The following LETM1 variants were observed in gnomAD, a reference collection of about 807,000 sequenced individuals.
LETM1 encodes the protein leucine zipper and EF-hand containing transmembrane protein 1.
A neutral mutation model predicts 74.5 loss-of-function variants in LETM1; 50 were observed. That is an observed-to-expected ratio of 0.67 (90% CI 0.53 to 0.85). The LOEUF is 0.85. LETM1 is among the 40% of genes least tolerant of loss of function. The pLI is 0.00. For synonymous variants in LETM1, 446 were observed against 407.1 expected (o/e 1.10, Z -1.15); for missense variants, 824 against 967.8 (o/e 0.85, Z 1.97).
Position 1,856,080 on chromosome 4 carries a change from G to C in LETM1, c.-130C>G. On this transcript the variant is annotated 5_prime_UTR_variant, in exon 1 of 14. Transcript: ENST00000302787. ...ACGGCTGACAGAGGCGGCTGGCCTCGGACGGGAGGCGCTCTCCTCAAGGAC... is the reference window on the plus strand; with the variant it reads ...ACGGCTGACAGAGGCGGCTGGCCTCCGACGGGAGGCGCTCTCCTCAAGGAC... 2 of 467,692 alleles carry C rather than the reference G, an allele frequency of 4.3e-6. No individual in the cohort carries two copies. The highest frequency in any genetic ancestry group is 8.5e-5 in the East Asian group (2 of 23,446). 29.0% of individuals were successfully genotyped at this position (467,692 alleles called of 1,614,324 possible).
chr4:1,849,413 C>T (rs1448292323), intron 1 of LETM1, among the ~76,000 whole-genome samples: 4 of 152,116 alleles, frequency 2.6e-5, no homozygotes, highest in Non-Finnish European at 4.4e-5. Flanking sequence ...TACAGGTGCC[C>T]ACCACCATGC....
intron 9 of LETM1, 106 bp from the exon 10 acceptor site, chr4:1,822,418 C>G: frequency 8.1e-7 from 1 of 1,241,060 alleles, no homozygotes; most frequent in South Asian, 2.6e-5. Flanking sequence ...GGGAGCAGGC[C>G]TGCAGGTGAC....
At chr4:1,837,700 T>G (rs1413974573) in intron 3 of LETM1, among the ~76,000 whole-genome samples, 2 of 120,940 alleles carry the variant, frequency 1.7e-5, no homozygotes, top group East Asian at 2.1e-4. Flanking sequence ...AATTTACAAG[T>G]TTTTTTTTTT....
At chr4:1,819,541 A>T (rs1711698706) in intron 10 of LETM1, 69 bp from the exon 11 acceptor site, 2 of 1,533,326 alleles carry the variant, frequency 1.3e-6, no homozygotes, top group African/African-American at 2.8e-5. Flanking sequence ...CCAAGTGACC[A>T]GCTGCTCTGT....
intron 6 of LETM1, among the ~76,000 whole-genome samples, chr4:1,830,401 A>G (rs773928132): frequency 1.2e-4 from 19 of 152,114 alleles, no homozygotes; most frequent in African/African-American, 3.1e-4. Flanking sequence ...CACAATCACA[A>G]CTCACTGCAA....
intron 2 of LETM1, among the ~76,000 whole-genome samples, chr4:1,845,859 ATAT>A (rs1207135660): frequency 6.9e-6 from 1 of 145,654 alleles, no homozygotes; most frequent in Non-Finnish European, 1.5e-5. Context: ...CATAATTATT[ATAT>A]TATTATTTTT....
intron 2 of LETM1, among the ~76,000 whole-genome samples, chr4:1,844,181 T>G (rs1302629644): frequency 6.6e-6 from 1 of 152,206 alleles, no homozygotes; most frequent in Admixed American, 6.5e-5. Flanking sequence ...TGGGCACACC[T>G]GCAGGGGCCT....
chr4:1,837,532 T>C lies in LETM1; in HGVS notation c.595-960A>G, dbSNP rs529933135. Among the ~76,000 whole-genome samples the C allele has an allele frequency of 9.2e-5, 14 of 152,266 alleles. No individual in the cohort carries two copies. In the South Asian group the frequency reaches 2.7e-3, roughly 29 times the overall value. ...AACGGTGCCATATTTGGGCAGGACATATCCTTAAAGCTGGCACATGTGTTT... is the reference window on the plus strand; with the variant it reads ...AACGGTGCCATATTTGGGCAGGACACATCCTTAAAGCTGGCACATGTGTTT... On this transcript the variant is annotated intron_variant, in intron 3 of 13. Coordinates refer to ENST00000302787, the MANE Select transcript of LETM1 (RefSeq NM_012318.3).
rs2108860538 is a variant in LETM1, at chr4:1,855,918, G to A, written c.33C>T (p.Gly11=). MASILLRSCR[G]RAPARLPPPP... ...GCGGCGGGAGGCGGGCGGGCGCCCG[G>A]CCGCGGCAGCTCCTCAGTAAGATGG... The change falls in exon 1 of 14, where the codon GGC becomes GGT. Residue 11 remains glycine, a synonymous_variant. Coordinates refer to ENST00000302787, the MANE Select transcript of LETM1 (RefSeq NM_012318.3). 1.6e-6 allele frequency: 2 copies of A among 1,237,406 alleles called. No individual in the cohort carries two copies. Among genetic ancestry groups the A allele is most frequent in the South Asian group, 6.8e-5 (2 of 29,238 alleles). The allele number at this position is 1,237,406 out of a possible 1,614,324, so 76.7% of individuals were successfully genotyped here. A position where few individuals can be genotyped will look rare whatever the true frequency, so the allele number is the denominator to read the frequency against.
intron 2 of LETM1, among the ~76,000 whole-genome samples, chr4:1,842,814 A>G (rs1288856069): frequency 1.3e-5 from 2 of 152,286 alleles, no homozygotes; most frequent in East Asian, 3.9e-4. Flanking sequence ...CCCAGAACCT[A>G]TGGTTTGTGT....
At chr4:1,840,396 G>A (rs1376644032) in intron 3 of LETM1, among the ~76,000 whole-genome samples, 4 of 150,060 alleles carry the variant, frequency 2.7e-5, no homozygotes, top group African/African-American at 7.4e-5. Flanking sequence ...GGTTGGGCGC[G>A]GTGGTTCACG....
intron 2 of LETM1, chr4:1,842,860 G>A: frequency 5.2e-6 from 1 of 194,124 alleles, no homozygotes; most frequent in South Asian, 7.0e-5. Flanking sequence ...GCAGCGTGGT[G>A]CCACACCACC....
chr4:1,823,122 C>T lies in LETM1; in HGVS notation c.1342G>A (p.Ala448Thr). 1 of 1,592,488 alleles carries T rather than the reference C, an allele frequency of 6.3e-7. No homozygotes were observed. Among genetic ancestry groups the T allele is most frequent in the Non-Finnish European group, 8.6e-7 (1 of 1,167,916 alleles). ...QTLPEIVAKE[A>T]QVKVAEVEGE... The stretch of plus-strand genomic sequence containing the variant: ...TCCACCTCGGCCACTTTCACCTGTG[C>T]TTCCTTTGCCTTCAGAAGAGGGTAC... The change falls in exon 9 of 14, where the codon GCA becomes ACA. Residue 448 changes from alanine to threonine, a missense_variant. Around this residue, in one of 4 missense-constraint regions of LETM1, gnomAD observed 172 missense variants for 170.7 expected, o/e 1.01. Coordinates refer to ENST00000302787, the MANE Select transcript of LETM1 (RefSeq NM_012318.3).
intron 1 of LETM1, among the ~76,000 whole-genome samples, chr4:1,854,457 AT>A: frequency 7.2e-6 from 1 of 138,692 alleles, no homozygotes; most frequent in East Asian, 2.2e-4. Flanking sequence ...TCCAGCCTGG[AT>A]GACAGAGCGA....
At chr4:1,842,038 C>T (rs1025430104) in intron 2 of LETM1, among the ~76,000 whole-genome samples, 16 of 152,250 alleles carry the variant, frequency 1.1e-4, no homozygotes, top group Admixed American at 5.2e-4. Context: ...CATGGGCGGG[C>T]GATCCCCACA....
intron 6 of LETM1, among the ~76,000 whole-genome samples, chr4:1,828,643 GC>G (rs1274923581): frequency 8.5e-6 from 1 of 117,552 alleles, no homozygotes; most frequent in African/African-American, 3.8e-5. Context: ...GGGCAGAGGC[GC>G]CCCCCACCTC....
At chr4:1,826,180 C>T (rs775379983) in intron 6 of LETM1, among the ~76,000 whole-genome samples, 1 of 152,204 alleles carries the variant, frequency 6.6e-6, no homozygotes, top group Non-Finnish European at 1.5e-5. Context: ...CCAAGGCATA[C>T]AGGGAGCAAC....
intron 7 of LETM1, among the ~76,000 whole-genome samples, chr4:1,824,841 C>T (rs915129497): frequency 6.6e-6 from 1 of 152,224 alleles, no homozygotes; most frequent in African/African-American, 2.4e-5. Flanking sequence ...CTGGGGAATC[C>T]GATGGAAGAC....
Position 1,819,321 on chromosome 4 carries a change from G to C in LETM1, c.1743+17C>G. 1 of 1,601,772 alleles carries C rather than the reference G, an allele frequency of 6.2e-7. No individual in the cohort carries two copies. The highest frequency in any genetic ancestry group is 8.5e-7 in the Non-Finnish European group (1 of 1,174,962). ...TCTTCTTGCAGTCTCAGAGTCCAGG[G>C]AGCAAATCCCACCCACCTCGCTGTA... is the stretch of plus-strand genomic sequence containing the variant. On this transcript the variant is annotated intron_variant, in intron 11 of 13. Coordinates refer to ENST00000302787, the MANE Select transcript of LETM1 (RefSeq NM_012318.3).
Sources: gnomAD v4.1 joint callset for allele counts (sites outside exome capture counted in the v4.1 genomes callset) on GRCh38, gnomAD v4.1.1 for gene constraint, gnomAD v4.1.1 regional missense constraint, MANE v1.5 for transcripts, NCBI Gene and HGNC (gene_info 2026-07-23, HGNC 2026-07-21) for gene names.